Variants in JHY observed in about 807,000 individuals in gnomAD.
The protein encoded by JHY is junctional cadherin complex regulator, also known as jhy protein homolog.
A neutral mutation model predicts 78.0 loss-of-function variants in JHY; 69 were observed. The observed-to-expected ratio is 0.88, with a 90% CI of 0.73 to 1.08. The LOEUF is 1.08. Ranked by LOEUF, JHY falls within the 50% of genes least tolerant of loss-of-function variation. The pLI is 0.00. For synonymous variants in JHY, 368 were observed against 342.6 expected, an observed-to-expected ratio of 1.07 and a Z score of -0.82; for missense variants, 944 against 927.8, an observed-to-expected ratio of 1.02 and a Z score of -0.23.
rs760176096 is a variant in JHY at position 122,923,601 on chromosome 11, G to A, written c.865-1296G>A. Among the ~76,000 whole-genome samples, 12 of 152,254 alleles carry A rather than the reference G, an allele frequency of 7.9e-5. No homozygotes were observed. The Middle Eastern group carries it at 0.014, about 173-fold the overall frequency. On this transcript the variant is annotated intron_variant, in intron 3 of 8. Transcript: ENST00000227349. ...AGGTAACTAATGGAGGCAATGAAGG[G>A]CCCTTAAATAACTTAGGAACCTAAA...
chr11:122,944,686 A>G (rs1863930343), intron 5 of JHY, among the ~76,000 whole-genome samples: 1 of 152,058 alleles, frequency 6.6e-6, no homozygotes, highest in South Asian at 2.1e-4. Flanking sequence ...GTTACCCTTT[A>G]TTCTGAAGTA....
chr11:122,927,937 G>T (rs2135345616), intron 4 of JHY, among the ~76,000 whole-genome samples: 1 of 152,048 alleles, frequency 6.6e-6, no homozygotes, highest in South Asian at 2.1e-4. Flanking sequence ...CACCATGTTG[G>T]CCAGGCTGGT....
chr11:122,947,323 T>C (rs1219670003), intron 6 of JHY: 1 of 152,670 alleles, frequency 6.6e-6, no homozygotes, highest in African/African-American at 2.4e-5. Context: ...ATACCTGGGC[T>C]GGCCAGTGAT....
At position 122,959,706 on chromosome 11, in the gene JHY, C is replaced by CT; in HGVS notation, c.*265dup. ...GCTGAATAATAACTAGAGAATAAAG[C>CT]TTTTGTTTTATATTGATCTTTTGAT... On this transcript the variant is annotated 3_prime_UTR_variant, in exon 9 of 9. Transcript: ENST00000227349. The CT allele has an allele frequency of 5.5e-6, 2 of 362,748 alleles. No individual in the cohort carries two copies. 22.5% of individuals were successfully genotyped at this position (362,748 alleles called of 1,614,324 possible).
intron 3 of JHY, among the ~76,000 whole-genome samples, chr11:122,918,750 G>A (rs1217881045): frequency 2.0e-5 from 3 of 151,228 alleles, no homozygotes; most frequent in East Asian, 1.9e-4. Flanking sequence ...TCATGCCGTC[G>A]TATTTATTGA....
chr11:122,926,007 A>G (rs1327518199), intron 4 of JHY, among the ~76,000 whole-genome samples: 1 of 147,834 alleles, frequency 6.8e-6, no homozygotes, highest in East Asian at 2.0e-4. Flanking sequence ...ACAGAGCAAG[A>G]CTCCGTATCA....
intron 3 of JHY, among the ~76,000 whole-genome samples, chr11:122,904,977 A>G (rs546923669): frequency 2.8e-4 from 42 of 152,100 alleles, no homozygotes; most frequent in African/African-American, 9.6e-4. Flanking sequence ...TTCTGTATAC[A>G]TATTGGGCGG....
chr11:122,935,164 T>G lies in JHY; in HGVS notation c.1634+89T>G. On this transcript the variant is annotated intron_variant, in intron 5 of 8. Transcript: ENST00000227349. This position sits in a 1 kb window ranked among gnomAD's most constrained non-coding sequence, Gnocchi z 4.5. ...GGGAGAGGAAGAAGGGGAAGGGGAA[T>G]CCATAAGGTGGCTAGGTGAGAAGAA... 2 of 1,207,086 alleles carry G rather than the reference T, an allele frequency of 1.7e-6. No individual in the cohort carries two copies. Among genetic ancestry groups the G allele is most frequent in the Non-Finnish European group, 2.3e-6 (2 of 875,154 alleles). The allele number at this position is 1,207,086 out of a possible 1,614,324, so 74.8% of individuals were successfully genotyped here.
At chr11:122,946,423 T>C (rs1863959908) in intron 5 of JHY, 75 bp from the exon 6 acceptor site, 1 of 1,441,072 alleles carries the variant, frequency 6.9e-7, no homozygotes, top group Non-Finnish European at 9.3e-7. Flanking sequence ...TAATGGTTCA[T>C]AAAGACTTTT....
At chr11:122,920,751 C>T (rs534066897) in intron 3 of JHY, among the ~76,000 whole-genome samples, 3 of 152,300 alleles carry the variant, frequency 2.0e-5, no homozygotes, top group East Asian at 3.9e-4. Flanking sequence ...CTCTGCTCTG[C>T]GCCTTACCTC....
chr11:122,904,032 C>T lies in JHY; in HGVS notation c.452C>T (p.Thr151Met), dbSNP rs780574724. Residue 151 changes from threonine (T) to methionine (M), a missense_variant, in exon 3 of 9, where the codon ACG becomes ATG. Physicochemically the swap from Thr to Met is moderately conservative, Grantham distance 81. Transcript: ENST00000227349. ...LLSVEALPES[T>M]DSSLENLPLA... is the part of the protein sequence containing the mutation. ...TCTGTGGAAGCGTTGCCGGAGTCCA[C>T]GGACAGCTCTTTAGAAAATCTGCCT... The T allele has an allele frequency of 2.5e-6, 4 of 1,614,132 alleles. No homozygotes were observed. The Admixed American group carries it at 6.7e-5, about 27-fold the overall frequency.
At chr11:122,897,066 G>T (rs1383473804) in intron 2 of JHY, among the ~76,000 whole-genome samples, 2 of 151,654 alleles carry the variant, frequency 1.3e-5, no homozygotes, top group East Asian at 2.0e-4. Context: ...CATGTTGGCC[G>T]TGCTGATCTC....
At chr11:122,914,021 G>A (rs1370410330) in intron 3 of JHY, among the ~76,000 whole-genome samples, 1 of 152,124 alleles carries the variant, frequency 6.6e-6, no homozygotes, top group African/African-American at 2.4e-5. Flanking sequence ...AGTCCCATTT[G>A]GAGCCATTTA....
At chr11:122,948,023 G>T (rs867436988) in intron 6 of JHY, among the ~76,000 whole-genome samples, 6 of 152,140 alleles carry the variant, frequency 3.9e-5, no homozygotes, top group Admixed American at 6.5e-5. Flanking sequence ...ACTCAGCTGT[G>T]AGCCATCAGC....
intron 6 of JHY, among the ~76,000 whole-genome samples, chr11:122,950,481 C>T (rs750084474): frequency 2.6e-5 from 4 of 152,154 alleles, no homozygotes; most frequent in African/African-American, 4.8e-5. Context: ...AATTCTCACT[C>T]GGCAAGATTT....
intron 2 of JHY, among the ~76,000 whole-genome samples, chr11:122,893,993 A>G (rs3107617): frequency 0.95 from 143,970 of 152,240 alleles, 68,152 homozygotes; most frequent in Middle Eastern, 0.98. Context: ...CAGCTGCCTT[A>G]CAATTTTAAT....
At chr11:122,900,435 T>C (rs550591766) in intron 2 of JHY, among the ~76,000 whole-genome samples, 43 of 151,732 alleles carry the variant, frequency 2.8e-4, no homozygotes, top group African/African-American at 9.7e-4. Context: ...TTGCATCTAC[T>C]GTACTCAAGG....
At chr11:122,956,187 G>A (rs537966200) in intron 6 of JHY, among the ~76,000 whole-genome samples, 6 of 151,944 alleles carry the variant, frequency 3.9e-5, no homozygotes, top group African/African-American at 9.6e-5. Flanking sequence ...AAAAACATTC[G>A]TAAGAAAACA....
intron 1 of JHY, among the ~76,000 whole-genome samples, chr11:122,884,183 T>C (rs1862445123): frequency 6.6e-6 from 1 of 152,244 alleles, no homozygotes; most frequent in South Asian, 2.1e-4. Flanking sequence ...TCGAGTTCAA[T>C]AGAAAACTCA....
Sources: gnomAD v4.1 joint callset for allele counts (sites outside exome capture counted in the v4.1 genomes callset) on GRCh38, gnomAD v4.1.1 for gene constraint, Gnocchi (gnomAD v3.1) non-coding constraint, MANE v1.5 for transcripts, NCBI Gene and HGNC (gene_info 2026-07-23, HGNC 2026-07-21) for gene names.